The following CCM2 variants were observed in gnomAD, a reference collection of about 807,000 sequenced individuals.
CCM2 encodes CCM2 scaffold protein, also known as cerebral cavernous malformations 2 protein.
CCM2 carries 25 observed loss-of-function variants against 44.9 expected under a neutral mutation model. The ratio of observed to expected loss-of-function variants is 0.56; its 90% CI spans 0.41 to 0.78. The LOEUF is 0.78. Among genes scored for constraint, CCM2 ranks in the 30% least tolerant of loss-of-function variants. The pLI, the probability that CCM2 is intolerant of heterozygous loss-of-function variation, is 0.00. For missense variants in CCM2, 481 were observed against 580.6 expected, an observed-to-expected ratio of 0.83 and a Z score of 1.76; for synonymous variants, 219 against 241.1, an observed-to-expected ratio of 0.91 and a Z score of 0.85.
chr7:45,037,320 G>T (rs541564326), intron 1 of CCM2, among the ~76,000 whole-genome samples: 8 of 151,796 alleles, frequency 5.3e-5, no homozygotes, highest in Non-Finnish European at 8.8e-5. Context: ...GACTTTGATT[G>T]CAGGATTAGC....
At chr7:45,000,194 C>G (rs1485291763), upstream of CCM2, 2 of 312,270 alleles carry the variant, frequency 6.4e-6, no homozygotes, top group Non-Finnish European at 9.2e-6. Context: ...TGGGGCGCGG[C>G]CGGGGCGGAG....
chr7:45,069,766 C>T (rs1051483056), intron 5 of CCM2, 60 bp from the exon 6 acceptor site: 27 of 1,608,758 alleles, frequency 1.7e-5, no homozygotes, highest in African/African-American at 2.7e-5. Context: ...TCCTGGAAGC[C>T]GCCTGGGAAG....
chr7:45,064,425 C>A, intron 3 of CCM2, 38 bp from the exon 4 acceptor site: 1 of 1,605,930 alleles, frequency 6.2e-7, no homozygotes, highest in Non-Finnish European at 8.5e-7. Flanking sequence ...CGGTTGACAG[C>A]TGAGTCTGTA....
At chr7:45,002,771 G>A (rs1366512859) in intron 1 of CCM2, among the ~76,000 whole-genome samples, 1 of 152,158 alleles carries the variant, frequency 6.6e-6, no homozygotes, top group Non-Finnish European at 1.5e-5. Flanking sequence ...TGTCTGTTGA[G>A]CCCCTCTTGT....
At chr7:45,071,297 AT>A (rs970168103) in intron 6 of CCM2, 3 of 149,826 alleles carry the variant, frequency 2.0e-5, no homozygotes, top group Admixed American at 6.7e-5. Flanking sequence ...TTCTTTAATA[AT>A]TTTTTTTTTA....
intron 2 of CCM2, among the ~76,000 whole-genome samples, chr7:45,047,632 ATGTT>A (rs1439057155): frequency 6.6e-6 from 1 of 152,242 alleles, no homozygotes; most frequent in Non-Finnish European, 1.5e-5. Flanking sequence ...TTCACACTGT[ATGTT>A]CCTTTCTGTA....
At chr7:45,036,004 T>TTA (rs1337231594) in intron 1 of CCM2, among the ~76,000 whole-genome samples, 2 of 152,184 alleles carry the variant, frequency 1.3e-5, no homozygotes, top group Non-Finnish European at 2.9e-5. Context: ...CTCTAAGGAT[T>TTA]GTTAGCCTGT....
At chr7:45,020,526 A>G (rs936076481) in intron 1 of CCM2, among the ~76,000 whole-genome samples, 66 of 152,314 alleles carry the variant, frequency 4.3e-4, no homozygotes, top group African/African-American at 1.6e-3. Flanking sequence ...AAAAATAATG[A>G]AGCAATTAAT....
At chr7:45,046,091 C>G (rs1797742202) in intron 2 of CCM2, among the ~76,000 whole-genome samples, 1 of 152,166 alleles carries the variant, frequency 6.6e-6, no homozygotes, top group East Asian at 1.9e-4. Context: ...TTGAAAAGCA[C>G]AAACTACTAC....
intron 2 of CCM2, among the ~76,000 whole-genome samples, chr7:45,042,735 T>C (rs1296755253): frequency 6.6e-6 from 1 of 152,112 alleles, no homozygotes; most frequent in Non-Finnish European, 1.5e-5. Flanking sequence ...CCTCCCACAG[T>C]CATCCAATAT....
intron 1 of CCM2, among the ~76,000 whole-genome samples, chr7:45,018,375 T>G (rs1323638174): frequency 6.6e-6 from 1 of 152,106 alleles, no homozygotes; most frequent in Non-Finnish European, 1.5e-5. Context: ...TTATTTATTT[T>G]GAGATAGAGT....
chr7:45,068,585 A>C lies in CCM2; in HGVS notation c.609+6A>C. 1 of 1,613,640 alleles carries C rather than the reference A, an allele frequency of 6.2e-7. No individual in the cohort carries two copies. The highest frequency in any genetic ancestry group is 8.5e-7 in the Non-Finnish European group (1 of 1,179,954). ...TCCTGGCTGCAGAGAGCAAGGTGAG[A>C]CTTTCTCGCCCCACTTACTCAGAAC... On this transcript the variant is annotated splice_donor_region_variant and intron_variant, in intron 5 of 9. Transcript: ENST00000258781.
At chr7:45,007,585 AT>A (rs1795896633) in intron 1 of CCM2, among the ~76,000 whole-genome samples, 1 of 152,026 alleles carries the variant, frequency 6.6e-6, no homozygotes, top group African/African-American at 2.4e-5. Flanking sequence ...AACAGTAACA[AT>A]TTTTTGCTTG....
rs1400341590 is a variant in CCM2, at chr7:45,064,116, A to G, written c.288+115A>G. 5.5e-6 allele frequency: 4 copies of G among 730,462 alleles called. 1 individual carries two copies. In the Admixed American group the frequency reaches 6.8e-5, roughly 12 times the overall value. 45.2% of individuals were successfully genotyped at this position (730,462 alleles called of 1,614,324 possible). On this transcript the variant is annotated intron_variant, in intron 3 of 9. Coordinates refer to ENST00000258781, the MANE Select transcript of CCM2 (RefSeq NM_031443.4). ...GAGCCAGTCCCATCACATTATGGGT[A>G]CACTTGGCTCTTGGCCATAAAGACT...
intron 1 of CCM2, among the ~76,000 whole-genome samples, chr7:45,014,188 G>A (rs1441428119): frequency 1.3e-5 from 2 of 151,870 alleles, no homozygotes; most frequent in African/African-American, 4.8e-5. Context: ...TGCCCAGGCC[G>A]GAGTGCAGTG....
At chr7:45,053,289 G>A (rs541037553) in intron 2 of CCM2, among the ~76,000 whole-genome samples, 3 of 152,346 alleles carry the variant, frequency 2.0e-5, no homozygotes, top group African/African-American at 7.2e-5. Context: ...GTTGCAGGTC[G>A]ACTCCCACGC....
At chr7:45,064,382 C>T (rs1214102462) in intron 3 of CCM2, 81 bp from the exon 4 acceptor site, 2 of 1,389,090 alleles carry the variant, frequency 1.4e-6, no homozygotes, top group Admixed American at 1.7e-5. Flanking sequence ...TGACATCGGC[C>T]AGCACAATAT....
Position 45,073,241 on chromosome 7 carries a change from A to G in CCM2, c.804-219A>G, listed in dbSNP as rs962340634. Reference sequence around the variant, plus strand: ...CTGTGTACTCCCTCTCTTCACTCAGAGCCCAACTCAGAGCCATGCCCCCGG... The same window carrying G: ...CTGTGTACTCCCTCTCTTCACTCAGGGCCCAACTCAGAGCCATGCCCCCGG... On this transcript the variant is annotated intron_variant, in intron 7 of 9. Coordinates refer to ENST00000258781, the MANE Select transcript of CCM2 (RefSeq NM_031443.4). The G allele has an allele frequency of 1.9e-4, 117 of 605,930 alleles. 1 individual carries two copies. In the South Asian group the frequency reaches 2.1e-3, roughly 11 times the overall value. 37.5% of individuals were successfully genotyped at this position (605,930 alleles called of 1,614,324 possible).
At chr7:45,002,708 A>G (rs769831898) in intron 1 of CCM2, among the ~76,000 whole-genome samples, 4 of 152,124 alleles carry the variant, frequency 2.6e-5, no homozygotes, top group Non-Finnish European at 5.9e-5. Flanking sequence ...ACATGTGGTG[A>G]TGATGACTGT....
Sources: allele counts gnomAD v4.1 joint callset (sites outside exome capture counted in the v4.1 genomes callset), GRCh38; gene constraint gnomAD v4.1.1; transcripts MANE v1.5; gene names NCBI Gene and HGNC (gene_info 2026-07-23, HGNC 2026-07-21).